Variants in NPHP3 observed in about 807,000 individuals in gnomAD.
NPHP3 encodes the protein nephrocystin 3, also known as nephrocystin-3.
NPHP3 carries 123 observed loss-of-function variants against 171.9 expected under a neutral mutation model. That is an observed-to-expected ratio of 0.72 (90% CI 0.62 to 0.83). The LOEUF (loss-of-function observed/expected upper bound fraction) is 0.83. Ranked by LOEUF, NPHP3 falls within the 40% of genes least tolerant of loss-of-function variation. NPHP3 has a pLI of 0.00. For missense variants in NPHP3, 1,506 were observed against 1,591.9 expected (o/e 0.95, Z 0.92); for synonymous variants, 558 against 579.2 (o/e 0.96, Z 0.52).
intron 16 of NPHP3, chr3:132,693,353 T>C (rs1939349028): frequency 6.3e-6 from 1 of 159,782 alleles, no homozygotes; most frequent in Non-Finnish European, 1.4e-5. Flanking sequence ...CACAGTGGGA[T>C]GGAAGGTGAG....
intron 11 of NPHP3, 42 bp downstream of exon 11, chr3:132,700,292 T>C (rs1165325339): frequency 8.4e-6 from 12 of 1,425,310 alleles, no homozygotes; most frequent in African/African-American, 1.4e-5. Context: ...AATTTCTGAA[T>C]CTAAATAAAA....
In NPHP3 at chr3:132,688,778, C is replaced by T. The variant is rs1939226299; in HGVS notation, c.2997G>A (p.Lys999=). The change falls in exon 21 of 27, where the codon AAG becomes AAA. Residue 999 remains lysine, a synonymous_variant. Transcript: ENST00000337331. ...ACAGTTGTTCTGCATTGCCAAACTT[C>T]TTCCACTGCACGTATACACTTGCTA... ...HQLASVYVQW[K]KFGNAEQLYK... is the part of the protein sequence containing the mutation. 6.2e-7 allele frequency: 1 copy of T among 1,614,002 alleles called. No individual in the cohort carries two copies. The highest frequency in any genetic ancestry group is 1.7e-5 in the Admixed American group (1 of 59,986).
rs768742764 is a variant in NPHP3 at position 132,692,670 on chromosome 3, C to T, written c.2459G>A (p.Arg820Lys). ...TAACATTACCTGCAGATGTTGAAAC[C>T]TAAGCAAGCCACATCCATAAGTCAA... ...CLLTYGCGLL[R>K]FQHLQAWETV... The change falls in exon 17 of 27, where the codon AGG becomes AAG. Residue 820 changes from arginine to lysine, a missense_variant. Around this residue, in one of 3 missense-constraint regions of NPHP3, gnomAD observed 569 missense variants for 648.1 expected, o/e 0.88. Coordinates refer to ENST00000337331, the MANE Select transcript of NPHP3 (RefSeq NM_153240.5). 3.5e-5 allele frequency: 56 copies of T among 1,613,898 alleles called. No homozygotes were observed. Among genetic ancestry groups the T allele is most frequent in the Non-Finnish European group, 4.7e-5 (55 of 1,179,906 alleles).
At position 132,685,183 on chromosome 3, in the gene NPHP3, G is replaced by A. The variant is rs574089584; in HGVS notation, c.3330-389C>T. ...CTTTATTTTGTTTTTTTGTATGTGT[G>A]CGTGTGTGTAACCTTGAACTCCTAG... On this transcript the variant is annotated intron_variant, in intron 23 of 26. Transcript: ENST00000337331. 61 of 234,858 alleles carry A rather than the reference G, an allele frequency of 2.6e-4. 1 individual carries two copies. In the East Asian group the frequency reaches 6.5e-3, roughly 25 times the overall value. The allele number at this position is 234,858 out of a possible 1,614,324, so 14.5% of individuals were successfully genotyped here.
In NPHP3 at chr3:132,691,217, T is replaced by G. The variant is rs1939290522; in HGVS notation, c.2545A>C (p.Ile849Leu). The change falls in exon 18 of 27, where the codon ATC becomes CTC. Residue 849 changes from isoleucine to leucine, a missense_variant. Physicochemically the swap from Ile to Leu is conservative, Grantham distance 5 (BLOSUM62 2). Transcript: ENST00000337331. The stretch of plus-strand genomic sequence containing the variant: ...CTTAGCTGCAAGGTGAAATAGTTGA[T>G]TAGCTTTTGCCTGTATGAAGAAGTA... The part of the protein sequence containing the change: ...TVTSSYRQKL[I>L]NYFTLQLSQD... 1.2e-6 allele frequency: 2 copies of G among 1,613,266 alleles called. No homozygotes were observed. The highest frequency in any genetic ancestry group is 1.7e-6 in the Non-Finnish European group (2 of 1,179,350).
At chr3:132,704,721 A>G (rs1939701803) in intron 8 of NPHP3, among the ~76,000 whole-genome samples, 1 of 152,208 alleles carries the variant, frequency 6.6e-6, no homozygotes, top group Non-Finnish European at 1.5e-5. Flanking sequence ...GAAATATGCT[A>G]TAAGAATTGA....
chr3:132,700,232 G>A (rs1939569995), intron 11 of NPHP3, 102 bp downstream of exon 11: 1 of 1,150,554 alleles, frequency 8.7e-7, no homozygotes, highest in African/African-American at 1.5e-5. Flanking sequence ...ACCAAAACAG[G>A]TGGATAATAC....
chr3:132,721,593 G>A (rs1256332359), intron 1 of NPHP3: 2 of 376,300 alleles, frequency 5.3e-6, no homozygotes, highest in Admixed American at 3.7e-5. Context: ...GCCTCCTCAG[G>A]ACACTTTCCG....
At position 132,689,122 on chromosome 3, in the gene NPHP3, A is replaced by C. The variant is rs1403336893; in HGVS notation, c.2835T>G (p.Leu945=). Residue 945 remains leucine (L), a synonymous_variant, in exon 20 of 27, where the codon CTT becomes CTG. Transcript: ENST00000337331. ...GEDNMSCLAD[L]YETLGRFLKD... ...TGAGAAATCGCCCCAAGGTTTCATAAAGATCAGCTAAGCAACTCATGTTGT... is the reference window on the plus strand; with the variant it reads ...TGAGAAATCGCCCCAAGGTTTCATACAGATCAGCTAAGCAACTCATGTTGT... 1.2e-6 allele frequency: 2 copies of C among 1,614,138 alleles called. No individual in the cohort carries two copies. Among genetic ancestry groups the C allele is most frequent in the South Asian group, 2.2e-5 (2 of 91,080 alleles).
At chr3:132,705,534 A>T (rs1482877740) in intron 8 of NPHP3, 3 of 428,946 alleles carry the variant, frequency 7.0e-6, no homozygotes, top group South Asian at 3.6e-5. Flanking sequence ...TAGTCCTCTG[A>T]GATAGATGAG....
intron 7 of NPHP3, among the ~76,000 whole-genome samples, chr3:132,706,074 A>G (rs1358666369): frequency 6.6e-6 from 1 of 152,078 alleles, no homozygotes. Flanking sequence ...TAAAACAAGA[A>G]GTAGGCCAGG....
intron 22 of NPHP3, 144 bp from the exon 23 acceptor site, chr3:132,686,531 C>G (rs1939168655): frequency 1.2e-6 from 1 of 850,238 alleles, no homozygotes; most frequent in East Asian, 2.7e-5. Flanking sequence ...ACTAAATTAA[C>G]TTGATGATTA....
intron 11 of NPHP3, 63 bp downstream of exon 11, chr3:132,700,271 T>C (rs1359810326): frequency 7.7e-7 from 1 of 1,305,784 alleles, no homozygotes. Context: ...TAGGTACTTA[T>C]TAGTCCCAAC....
At chr3:132,703,607 T>C (rs1939673315) in intron 9 of NPHP3, among the ~76,000 whole-genome samples, 1 of 150,368 alleles carries the variant, frequency 6.7e-6, no homozygotes, top group Non-Finnish European at 1.5e-5. Flanking sequence ...AAAGACAGGG[T>C]CTTGCTCTGT....
In NPHP3 at chr3:132,721,972, G is replaced by C. The variant is rs201425936; in HGVS notation, c.384C>G (p.Ala128=). Residue 128 remains alanine (A), a synonymous_variant, in exon 1 of 27, where the codon GCC becomes GCG. Coordinates refer to ENST00000337331, the MANE Select transcript of NPHP3 (RefSeq NM_153240.5). ...CCCAGCCCGGCGTTACCTGCAGTTC[G>C]GCCCGCAGCCGCTTGTTCTCCGTGT... The part of the protein sequence containing the change: ...KLDTENKRLR[A]ELQALQKTYQ... 22 of 1,612,744 alleles carry C rather than the reference G, an allele frequency of 1.4e-5. No individual in the cohort carries two copies. The East Asian group carries it at 4.7e-4, about 34-fold the overall frequency.
At chr3:132,712,787 T>G (rs1280864070) in intron 6 of NPHP3, among the ~76,000 whole-genome samples, 3 of 151,526 alleles carry the variant, frequency 2.0e-5, no homozygotes, top group Non-Finnish European at 4.4e-5. Flanking sequence ...AAAAAAAAAT[T>G]TATATATATA....
chr3:132,709,089 G>A (rs1939834704), intron 6 of NPHP3, among the ~76,000 whole-genome samples: 1 of 151,762 alleles, frequency 6.6e-6, no homozygotes, highest in Admixed American at 6.6e-5. Flanking sequence ...ATATACTACA[G>A]GAAAGATCTG....
chr3:132,682,093 T>C lies in NPHP3; in HGVS notation c.3813-3A>G, dbSNP rs756596834. On this transcript the variant is annotated splice_polypyrimidine_tract_variant and splice_region_variant and intron_variant, in intron 26 of 26. Coordinates refer to ENST00000337331, the MANE Select transcript of NPHP3 (RefSeq NM_153240.5). ...TTTCAAAATCTCCTCCTTCATAGCT[T>C]TGAGAGAGAAAACAAAAACTCTTAA... The C allele has an allele frequency of 6.2e-7, 1 of 1,613,324 alleles. No homozygotes were observed.
intron 17 of NPHP3, among the ~76,000 whole-genome samples, chr3:132,692,228 C>T (rs868372813): frequency 1.5e-4 from 23 of 152,244 alleles, no homozygotes; most frequent in African/African-American, 5.1e-4. Flanking sequence ...TGTGTAAGTA[C>T]GCTCTACAAT....
Sources: allele counts gnomAD v4.1 joint callset (sites outside exome capture counted in the v4.1 genomes callset), GRCh38; gene constraint gnomAD v4.1.1; regional missense constraint gnomAD v4.1.1; transcripts MANE v1.5; gene names NCBI Gene and HGNC (gene_info 2026-07-23, HGNC 2026-07-21).